Variants in XPNPEP1 observed in about 807,000 individuals in gnomAD.
The protein encoded by XPNPEP1 is X-prolyl aminopeptidase 1.
A neutral mutation model predicts 92.4 loss-of-function variants in XPNPEP1; 39 were observed. The observed-to-expected ratio is 0.42, with a 90% CI of 0.33 to 0.55. The LOEUF (loss-of-function observed/expected upper bound fraction) is 0.55, where lower values mean the gene tolerates loss of function less well. Among genes scored for constraint, XPNPEP1 ranks in the 20% least tolerant of loss-of-function variants. The pLI, the probability that XPNPEP1 is intolerant of heterozygous loss-of-function variation, is 0.08. For missense variants in XPNPEP1, 654 were observed against 856.1 expected (o/e 0.76, Z 2.95); for synonymous variants, 307 against 299.4 (o/e 1.03, Z -0.26).
intron 4 of XPNPEP1, among the ~76,000 whole-genome samples, chr10:109,892,805 A>G (rs1848771721): frequency 6.6e-6 from 1 of 152,234 alleles, no homozygotes; most frequent in Non-Finnish European, 1.5e-5. Flanking sequence ...TGAAGCAAAG[A>G]TACAGAGAGG....
chr10:109,886,397 C>A, intron 7 of XPNPEP1, 56 bp from the exon 8 acceptor site: 1 of 1,533,526 alleles, frequency 6.5e-7, no homozygotes, highest in East Asian at 2.3e-5. Flanking sequence ...GCAGTAGGAA[C>A]CCAGTGAAAG....
Position 109,871,876 on chromosome 10 carries a change from C to A in XPNPEP1, c.1453-15G>T, listed in dbSNP as rs761647075. 1 of 1,612,924 alleles carries A rather than the reference C, an allele frequency of 6.2e-7. No individual in the cohort carries two copies. Among genetic ancestry groups the A allele is most frequent in the South Asian group, 1.1e-5 (1 of 90,774 alleles). ...GTGAAGCATTCCTGCAAAGAAAACC[C>A]AGGGGCATGTTGCAGAATGGGGACA... On this transcript the variant is annotated splice_polypyrimidine_tract_variant and intron_variant, in intron 16 of 20. Coordinates refer to ENST00000502935, the MANE Select transcript of XPNPEP1 (RefSeq NM_020383.4).
Position 109,888,603 on chromosome 10 carries a change from G to T in XPNPEP1, c.416-8C>A, listed in dbSNP as rs934487395. The T allele has an allele frequency of 1.9e-6, 3 of 1,588,766 alleles. No homozygotes were observed. The highest frequency in any genetic ancestry group is 2.3e-5 in the East Asian group (1 of 44,324). Reference sequence around the variant, plus strand: ...TTGGTGTGTCCTTCAGACCTACAGGGGGAAGAAATGATAAGAAACAATTCC... The same window carrying T: ...TTGGTGTGTCCTTCAGACCTACAGGTGGAAGAAATGATAAGAAACAATTCC... On this transcript the variant is annotated splice_region_variant and splice_polypyrimidine_tract_variant and intron_variant, in intron 5 of 20. Transcript: ENST00000502935.
At chr10:109,920,235 T>C (rs1850465151) in intron 1 of XPNPEP1, among the ~76,000 whole-genome samples, 1 of 151,826 alleles carries the variant, frequency 6.6e-6, no homozygotes, top group Non-Finnish European at 1.5e-5. Flanking sequence ...AGGTGAGGAG[T>C]GACTGATTAC....
Position 109,865,299 on chromosome 10 carries a change from T to A in XPNPEP1, c.1886A>T (p.Asn629Ile), listed in dbSNP as rs142133274. The change falls in exon 21 of 21, where the codon AAC becomes ATC. Residue 629 changes from asparagine (N) to isoleucine (I), a missense_variant. By Grantham distance (149) the Asn-to-Ile change is moderately radical. Transcript: ENST00000502935. ...SLTDKECDWL[N>I]NYHLTCRDVI... ...ATCCCTGCAGGTCAGGTGGTAATTGTTGAGCCAGTCGCACTGCAGGGAAGA... is the reference window on the plus strand; with the variant it reads ...ATCCCTGCAGGTCAGGTGGTAATTGATGAGCCAGTCGCACTGCAGGGAAGA... 6.2e-7 allele frequency: 1 copy of A among 1,614,130 alleles called. No individual in the cohort carries two copies. Among genetic ancestry groups the A allele is most frequent in the East Asian group, 2.2e-5 (1 of 44,884 alleles).
At chr10:109,871,173 C>T (rs3740138) in intron 17 of XPNPEP1, 76,909 of 329,550 alleles carry the variant, frequency 0.23, 10,283 homozygotes, top group Admixed American at 0.44. Context: ...CAGACATGGA[C>T]GTTCCCTTGC....
At chr10:109,918,577 C>A (rs574924310) in intron 1 of XPNPEP1, among the ~76,000 whole-genome samples, 1 of 151,962 alleles carries the variant, frequency 6.6e-6, no homozygotes, top group Non-Finnish European at 1.5e-5. Flanking sequence ...CTGGCTAACA[C>A]GGTGAAACCC....
intron 1 of XPNPEP1, among the ~76,000 whole-genome samples, chr10:109,922,263 T>A (rs1182166095): frequency 6.6e-6 from 1 of 152,174 alleles, no homozygotes; most frequent in Non-Finnish European, 1.5e-5. Flanking sequence ...CCAGCTGGTG[T>A]AGAAAAGACT....
chr10:109,867,888 A>G lies in XPNPEP1; in HGVS notation c.1872+726T>C, dbSNP rs1233407304. On this transcript the variant is annotated intron_variant, in intron 20 of 20. Coordinates refer to ENST00000502935, the MANE Select transcript of XPNPEP1 (RefSeq NM_020383.4). The surrounding 1 kb of genome is among the most constrained non-coding windows in gnomAD (Gnocchi z 4.5). ...ACTGTTTTGTCTGTCTAGTGCTAACAGTTCCTACCCCATTTCTGACCCTTG... is the reference window on the plus strand; with the variant it reads ...ACTGTTTTGTCTGTCTAGTGCTAACGGTTCCTACCCCATTTCTGACCCTTG... Among the ~76,000 whole-genome samples the G allele has an allele frequency of 6.6e-6, 1 of 152,202 alleles. No individual in the cohort carries two copies. The highest frequency in any genetic ancestry group is 1.5e-5 in the Non-Finnish European group (1 of 68,038).
chr10:109,895,281 G>A (rs1326700024), intron 3 of XPNPEP1, among the ~76,000 whole-genome samples: 1 of 152,200 alleles, frequency 6.6e-6, no homozygotes, highest in African/African-American at 2.4e-5. Context: ...ATGCAGTGCA[G>A]GTCTGAGCCC....
intron 2 of XPNPEP1, among the ~76,000 whole-genome samples, chr10:109,908,757 A>G (rs887476238): frequency 6.6e-6 from 1 of 152,232 alleles, no homozygotes; most frequent in Non-Finnish European, 1.5e-5. Context: ...AATTTGGAGT[A>G]ATTATTGTCT....
intron 19 of XPNPEP1, chr10:109,869,730 G>A (rs1274198722): frequency 2.1e-6 from 1 of 470,538 alleles, no homozygotes; most frequent in African/African-American, 2.0e-5. Context: ...CAGGGAAGGA[G>A]TGTGGTTTCC....
At chr10:109,870,077 T>C in intron 18 of XPNPEP1, 48 bp from the exon 19 acceptor site, 1 of 1,599,684 alleles carries the variant, frequency 6.3e-7, no homozygotes, top group African/African-American at 1.3e-5. Context: ...ACGATGAAGA[T>C]GTCTACAGAG....
intron 17 of XPNPEP1, 141 bp downstream of exon 17, chr10:109,871,651 A>G (rs928957672): frequency 1.1e-5 from 10 of 923,462 alleles, no homozygotes; most frequent in Non-Finnish European, 1.6e-5. Context: ...ATGGAGACTC[A>G]CCCCATGAGC....
chr10:109,892,597 C>A, intron 4 of XPNPEP1: 1 of 171,448 alleles, frequency 5.8e-6, no homozygotes. Context: ...AAACAGAAAC[C>A]AAAAGCCAAG....
chr10:109,891,882 A>C, intron 4 of XPNPEP1, 56 bp from the exon 5 acceptor site: 1 of 1,566,758 alleles, frequency 6.4e-7, no homozygotes, highest in Non-Finnish European at 8.7e-7. Context: ...ACTGCTCAGA[A>C]GCTGCACAAA....
chr10:109,907,946 A>G, intron 2 of XPNPEP1, 131 bp from the exon 3 acceptor site: 1 of 1,292,606 alleles, frequency 7.7e-7, no homozygotes, highest in Non-Finnish European at 1.1e-6. Flanking sequence ...CAAATTGATC[A>G]CTCCACCACC....
Position 109,888,095 on chromosome 10 carries a change from A to G in XPNPEP1, c.606T>C (p.Pro202=). Residue 202 remains proline, a synonymous_variant, in exon 7 of 21, where the codon CCT becomes CCC. Transcript: ENST00000502935. ...NLVDKIWTDR[P]ERPCKPLLTL... ...TGAGGAGAGGCTTGCAAGGGCGCTC[A>G]GGACGGTCTGTCCAGATTTTGTCAA... The G allele has an allele frequency of 6.2e-7, 1 of 1,614,148 alleles. No individual in the cohort carries two copies. Among genetic ancestry groups the G allele is most frequent in the Non-Finnish European group, 8.5e-7 (1 of 1,180,022 alleles).
rs764373711 is a variant in XPNPEP1, at chr10:109,884,073, G to A, written c.824C>T (p.Thr275Met). The A allele has an allele frequency of 1.2e-5, 19 of 1,613,142 alleles. No homozygotes were observed. The highest frequency in any genetic ancestry group is 7.7e-5 in the South Asian group (7 of 90,902). Residue 275 changes from threonine (T) to methionine (M), a missense_variant, in exon 9 of 21, where the codon ACG (threonine) becomes ATG (methionine). Coordinates refer to ENST00000502935, the MANE Select transcript of XPNPEP1 (RefSeq NM_020383.4). The stretch of plus-strand genomic sequence containing the variant: ...ATGCAGGGCAAACACTCACATGATC[G>A]TCTCTAGTCCTATGATTGCGTAGGA... ...FFSYAIIGLE[T>M]IMLFIDGDRI...
Sources: allele counts gnomAD v4.1 joint callset (sites outside exome capture counted in the v4.1 genomes callset), GRCh38; gene constraint gnomAD v4.1.1; non-coding constraint Gnocchi (gnomAD v3.1); transcripts MANE v1.5; gene names NCBI Gene and HGNC (gene_info 2026-07-23, HGNC 2026-07-21).